The following RPS6KC1 variants were observed in gnomAD, a reference collection of about 807,000 sequenced individuals.
RPS6KC1 encodes ribosomal protein S6 kinase C1.
In RPS6KC1, 54 loss-of-function variants were observed where a neutral mutation model predicts 103.8. The observed-to-expected ratio is 0.52, with a 90% confidence interval of 0.42 to 0.65. RPS6KC1 has a LOEUF of 0.65. RPS6KC1 is among the 30% of genes least tolerant of loss of function. The pLI, the probability that RPS6KC1 is intolerant of heterozygous loss-of-function variation, is 0.00. For missense variants in RPS6KC1, 1,151 were observed against 1,253.8 expected, an observed-to-expected ratio of 0.92 and a Z score of 1.24; for synonymous variants, 439 against 438.7, an observed-to-expected ratio of 1.00 and a Z score of -0.01.
intron 8 of RPS6KC1, among the ~76,000 whole-genome samples, chr1:213,220,518 G>A (rs989351693): frequency 2.0e-5 from 3 of 152,014 alleles, no homozygotes; most frequent in African/African-American, 7.3e-5. Flanking sequence ...TAGAAAGAGG[G>A]TTTCACCATG....
chr1:213,517,622 A>G, the RPS6KC1 span, among the ~76,000 whole-genome samples: 2 of 152,096 alleles, frequency 1.3e-5, no homozygotes, highest in South Asian at 2.1e-4. Flanking sequence ...ATTCTTTTAC[A>G]TTTGCTGAGG....
chr1:213,829,470 C>T, the RPS6KC1 span, among the ~76,000 whole-genome samples: 8 of 152,068 alleles, frequency 5.3e-5, no homozygotes, highest in Admixed American at 3.3e-4. Flanking sequence ...TTTCTTCTCA[C>T]TTTAAAGGGT....
the RPS6KC1 span, among the ~76,000 whole-genome samples, chr1:213,588,066 A>G: frequency 1.3e-5 from 2 of 152,114 alleles, no homozygotes; most frequent in African/African-American, 4.8e-5. Context: ...AGAAGGGGCC[A>G]ATAAGCTCCC....
intron 7 of RPS6KC1, among the ~76,000 whole-genome samples, chr1:213,169,934 A>G (rs28582163): frequency 6.6e-6 from 1 of 152,000 alleles, no homozygotes; most frequent in African/African-American, 2.4e-5. Flanking sequence ...GGCGCATGCC[A>G]CTATGCCTGG....
intron 4 of RPS6KC1, among the ~76,000 whole-genome samples, chr1:213,104,785 T>C (rs1266874997): frequency 6.6e-6 from 1 of 151,838 alleles, no homozygotes. Flanking sequence ...CTCTGTTGCT[T>C]AGACTGTTGT....
the RPS6KC1 span, among the ~76,000 whole-genome samples, chr1:213,728,108 A>G: frequency 1.3e-5 from 2 of 152,058 alleles, no homozygotes; most frequent in Non-Finnish European, 2.9e-5. Context: ...GAAGCCGAGG[A>G]GTAAAGCAGA....
chr1:213,393,106 C>T, the RPS6KC1 span, among the ~76,000 whole-genome samples: 2 of 152,330 alleles, frequency 1.3e-5, no homozygotes, highest in African/African-American at 4.8e-5. Flanking sequence ...CTTGTCATTC[C>T]TCCCTGCTGT....
the RPS6KC1 span, among the ~76,000 whole-genome samples, chr1:213,296,480 C>T: frequency 6.6e-6 from 1 of 152,130 alleles, no homozygotes; most frequent in Non-Finnish European, 1.5e-5. Flanking sequence ...ATTCTCTATC[C>T]TCATCAGAGT....
At chr1:213,536,269 T>C in the RPS6KC1 span, among the ~76,000 whole-genome samples, 2 of 152,116 alleles carry the variant, frequency 1.3e-5, no homozygotes, top group Non-Finnish European at 2.9e-5. Context: ...GGGAAAAGCC[T>C]AAAATAACAG....
chr1:213,720,677 G>A, the RPS6KC1 span, among the ~76,000 whole-genome samples: 38 of 152,290 alleles, frequency 2.5e-4, no homozygotes, highest in Non-Finnish European at 4.4e-5. Flanking sequence ...TTCAGGCTAA[G>A]GGCTATTATG....
chr1:213,677,088 G>C, the RPS6KC1 span, among the ~76,000 whole-genome samples: 1 of 152,170 alleles, frequency 6.6e-6, no homozygotes, highest in Admixed American at 6.5e-5. Context: ...TACAGACCAG[G>C]TCCCAGAGAA....
chr1:213,173,695 G>A (rs945224401), intron 7 of RPS6KC1, among the ~76,000 whole-genome samples: 2 of 152,068 alleles, frequency 1.3e-5, no homozygotes, highest in Admixed American at 6.6e-5. Flanking sequence ...ATGTAGTCCC[G>A]TATTTTTAAG....
At chr1:213,406,710 A>G in the RPS6KC1 span, among the ~76,000 whole-genome samples, 42 of 152,198 alleles carry the variant, frequency 2.8e-4, no homozygotes, top group African/African-American at 9.9e-4. Flanking sequence ...TCTACCCCTC[A>G]AATACCTGAC....
chr1:213,619,496 T>C, the RPS6KC1 span, among the ~76,000 whole-genome samples: 1 of 152,172 alleles, frequency 6.6e-6, no homozygotes, highest in African/African-American at 2.4e-5. Flanking sequence ...AAAATAAAAT[T>C]GGAGCTTTGT....
chr1:213,376,069 C>T, the RPS6KC1 span, among the ~76,000 whole-genome samples: 3 of 149,212 alleles, frequency 2.0e-5, no homozygotes, highest in African/African-American at 7.5e-5. Context: ...TGTATAATGG[C>T]TCTTCTCGTG....
At chr1:213,152,317 C>T (rs1158720939) in intron 6 of RPS6KC1, among the ~76,000 whole-genome samples, 8 of 147,048 alleles carry the variant, frequency 5.4e-5, no homozygotes, top group African/African-American at 7.6e-5. Context: ...GGCGGCTGGC[C>T]GGGCAGGGGG....
chr1:213,376,071 C>G, the RPS6KC1 span, among the ~76,000 whole-genome samples: 2 of 148,594 alleles, frequency 1.3e-5, no homozygotes, highest in African/African-American at 2.5e-5. Context: ...TATAATGGCT[C>G]TTCTCGTGAC....
the RPS6KC1 span, among the ~76,000 whole-genome samples, chr1:213,808,546 C>T: frequency 6.6e-6 from 1 of 152,228 alleles, no homozygotes; most frequent in African/African-American, 2.4e-5. Flanking sequence ...GCTGTGCTAG[C>T]AATCAGCAAG....
At chr1:213,673,790 A>G in the RPS6KC1 span, among the ~76,000 whole-genome samples, 1 of 151,966 alleles carries the variant, frequency 6.6e-6, no homozygotes, top group African/African-American at 2.4e-5. Context: ...CCTTTCTTCA[A>G]TCTTATCCCT....
Sources: allele counts gnomAD v4.1 joint callset (sites outside exome capture counted in the v4.1 genomes callset), GRCh38; gene constraint gnomAD v4.1.1; transcripts MANE v1.5; gene names NCBI Gene and HGNC (gene_info 2026-07-23, HGNC 2026-07-21).